ADCY2: variants seen among roughly 807,000 people sequenced by gnomAD.
The protein encoded by ADCY2 is adenylate cyclase type 2.
ADCY2 carries 31 observed loss-of-function variants against 125.2 expected under a neutral mutation model. That is an observed-to-expected ratio of 0.25 (90% CI 0.19 to 0.33). The LOEUF is 0.33. Among genes scored for constraint, ADCY2 ranks in the 10% least tolerant of loss-of-function variants. The pLI is 1.00. For synonymous variants in ADCY2, 512 were observed against 548.4 expected (o/e 0.93, Z 0.93); for missense variants, 904 against 1,418.2 (o/e 0.64, Z 5.82).
At chr5:7,814,085 C>G (rs554075112) in intron 22 of ADCY2, among the ~76,000 whole-genome samples, 110 of 152,120 alleles carry the variant, frequency 7.2e-4, no homozygotes, top group African/African-American at 2.5e-3. Flanking sequence ...AAATGACATT[C>G]TGAAATTCCA....
At chr5:7,517,047 A>G (rs910564233) in intron 2 of ADCY2, among the ~76,000 whole-genome samples, 1 of 152,208 alleles carries the variant, frequency 6.6e-6, no homozygotes, top group African/African-American at 2.4e-5. Context: ...AACAGGTTTA[A>G]GAACATAAAG....
chr5:7,741,792 A>G lies in ADCY2; in HGVS notation c.1872-1876A>G, dbSNP rs377368701. On this transcript the variant is annotated intron_variant, in intron 14 of 24. Transcript: ENST00000338316. Reference sequence around the variant, plus strand: ...TCACCATACCATCATCATCCCTATCACCATCACCCATAATCATCATTACCA... The same window carrying G: ...TCACCATACCATCATCATCCCTATCGCCATCACCCATAATCATCATTACCA... 7.1e-3 allele frequency among the ~76,000 whole-genome samples: 86 copies of G among 12,030 alleles called. 1 individual carries two copies. In the East Asian group the frequency reaches 0.13, roughly 18 times the overall value. The allele number at this position is 12,030 out of a possible 152,430, so 7.9% of individuals were successfully genotyped here. A position where few individuals can be genotyped will look rare whatever the true frequency, so the allele number is the denominator to read the frequency against.
At chr5:7,671,382 A>C (rs1164867950) in intron 4 of ADCY2, among the ~76,000 whole-genome samples, 1 of 152,212 alleles carries the variant, frequency 6.6e-6, no homozygotes, top group Non-Finnish European at 1.5e-5. Context: ...TAAAAAAACA[A>C]ACATATTCAG....
intron 2 of ADCY2, among the ~76,000 whole-genome samples, chr5:7,459,448 A>T (rs1741830250): frequency 6.6e-6 from 1 of 152,152 alleles, no homozygotes; most frequent in Non-Finnish European, 1.5e-5. Flanking sequence ...CTGATGGTTA[A>T]CATCAAACCC....
At chr5:7,442,068 A>G (rs1741036226) in intron 2 of ADCY2, among the ~76,000 whole-genome samples, 1 of 152,168 alleles carries the variant, frequency 6.6e-6, no homozygotes, top group Non-Finnish European at 1.5e-5. Flanking sequence ...ACACTTAACA[A>G]AACTAACCAT....
At position 7,520,611 on chromosome 5, in the gene ADCY2, C is replaced by G. The variant is rs1579530656; in HGVS notation, c.409-127C>G. The G allele has an allele frequency of 5.0e-6, 5 of 1,008,592 alleles. No homozygotes were observed. In the Admixed American group the frequency reaches 9.3e-5, roughly 19 times the overall value. The allele number at this position is 1,008,592 out of a possible 1,614,324, so 62.5% of individuals were successfully genotyped here. Reference sequence around the variant, plus strand: ...ATTTGCATCGACTGCCCTATTTTGTCTATAGATTATTTCTAAAATGAGCAT... The same window carrying G: ...ATTTGCATCGACTGCCCTATTTTGTGTATAGATTATTTCTAAAATGAGCAT... On this transcript the variant is annotated intron_variant, in intron 2 of 24. Transcript: ENST00000338316.
intron 12 of ADCY2, among the ~76,000 whole-genome samples, chr5:7,721,634 C>T (rs1741764755): frequency 6.6e-6 from 1 of 152,190 alleles, no homozygotes; most frequent in Non-Finnish European, 1.5e-5. Flanking sequence ...GTTTTCCCAG[C>T]ACCATTTATT....
At chr5:7,793,140 G>C (rs1423835471) in intron 20 of ADCY2, among the ~76,000 whole-genome samples, 1 of 152,206 alleles carries the variant, frequency 6.6e-6, no homozygotes, top group African/African-American at 2.4e-5. Context: ...AAGGAGTGCT[G>C]CTGTTGGGTT....
rs1395524621 is a variant in ADCY2, at chr5:7,766,780, C to T, written c.2188C>T (p.Arg730Cys). The T allele has an allele frequency of 4.3e-6, 7 of 1,609,678 alleles. No homozygotes were observed. The highest frequency in any genetic ancestry group is 1.3e-5 in the African/African-American group (1 of 74,560). The change falls in exon 17 of 25, where the codon CGT (arginine) becomes TGT (cysteine). Residue 730 changes from arginine (R) to cysteine (C), a missense_variant. Physicochemically the swap from Arg to Cys is radical, Grantham distance 180. Transcript: ENST00000338316. ...SASNNQVAILRAQNLFFLPYF... is the reference protein window; with the variant it reads ...SASNNQVAILCAQNLFFLPYF... ...CTCAAATAATCAGGTGGCGATTCTGCGTGCGCAGAATTTATTTTTCCTCCC... is the reference window on the plus strand; with the variant it reads ...CTCAAATAATCAGGTGGCGATTCTGTGTGCGCAGAATTTATTTTTCCTCCC...
chr5:7,643,142 C>G (rs946405105), intron 4 of ADCY2, among the ~76,000 whole-genome samples: 1 of 150,922 alleles, frequency 6.6e-6, no homozygotes, highest in African/African-American at 2.4e-5. Flanking sequence ...TTGGATTTTT[C>G]TATTTATGAA....
chr5:7,587,924 A>G (rs181793959), intron 3 of ADCY2, among the ~76,000 whole-genome samples: 14 of 152,288 alleles, frequency 9.2e-5, no homozygotes, highest in African/African-American at 3.4e-4. Context: ...GGACAGGCCA[A>G]CAGTCTTATT....
At chr5:7,632,366 G>A (rs75088409) in intron 4 of ADCY2, among the ~76,000 whole-genome samples, 1,693 of 151,788 alleles carry the variant, frequency 0.011, 35 homozygotes, top group African/African-American at 0.039. Flanking sequence ...TTTTTCTTTG[G>A]TATCTCCTCC....
intron 3 of ADCY2, among the ~76,000 whole-genome samples, chr5:7,536,263 A>G (rs147016861): frequency 6.6e-6 from 1 of 152,224 alleles, no homozygotes; most frequent in Non-Finnish European, 1.5e-5. Context: ...TATTGCAGAC[A>G]TGGGGGTGCC....
chr5:7,674,611 G>T (rs1740055121), intron 4 of ADCY2, among the ~76,000 whole-genome samples: 1 of 151,758 alleles, frequency 6.6e-6, no homozygotes, highest in African/African-American at 2.4e-5. Context: ...ATCATCCTTA[G>T]GTCTGAAATT....
At chr5:7,552,156 G>A (rs1322984546) in intron 3 of ADCY2, among the ~76,000 whole-genome samples, 1 of 152,186 alleles carries the variant, frequency 6.6e-6, no homozygotes, top group Non-Finnish European at 1.5e-5. Flanking sequence ...AGTGAACAGA[G>A]CTTCCTATCA....
chr5:7,401,488 T>C (rs928777081), intron 1 of ADCY2, among the ~76,000 whole-genome samples: 1 of 152,260 alleles, frequency 6.6e-6, no homozygotes, highest in South Asian at 2.1e-4. Flanking sequence ...CTTACTGATA[T>C]GAACAGCCTC....
At chr5:7,748,883 C>A (rs946271012) in intron 15 of ADCY2, among the ~76,000 whole-genome samples, 1 of 152,186 alleles carries the variant, frequency 6.6e-6, no homozygotes, top group African/African-American at 2.4e-5. Flanking sequence ...AGAACCGGGG[C>A]TCACAGATGC....
At chr5:7,592,790 A>T (rs368361554) in intron 3 of ADCY2, among the ~76,000 whole-genome samples, 2 of 152,180 alleles carry the variant, frequency 1.3e-5, no homozygotes, top group African/African-American at 4.8e-5. Flanking sequence ...ACTGGGCTTC[A>T]TCTTGTACCA....
At chr5:7,714,626 G>A (rs565230044) in intron 11 of ADCY2, among the ~76,000 whole-genome samples, 9 of 152,328 alleles carry the variant, frequency 5.9e-5, no homozygotes, top group East Asian at 1.9e-4. Flanking sequence ...CTCTGTGACC[G>A]CAGAGCACAA....
Sources: allele counts gnomAD v4.1 joint callset (sites outside exome capture counted in the v4.1 genomes callset), GRCh38; gene constraint gnomAD v4.1.1; transcripts MANE v1.5; gene names NCBI Gene and HGNC (gene_info 2026-07-23, HGNC 2026-07-21).